PSMD14: variants seen among roughly 807,000 people sequenced by gnomAD.
The protein encoded by PSMD14 is ubiquitin C-terminal hydrolase PSMD14.
PSMD14 carries 7 observed loss-of-function variants against 41.2 expected under a neutral mutation model. That is an observed-to-expected ratio of 0.17 (90% CI 0.10 to 0.32). PSMD14 has a LOEUF of 0.32. Among genes scored for constraint, PSMD14 ranks in the 10% least tolerant of loss-of-function variants. PSMD14 has a pLI of 1.00. For synonymous variants in PSMD14, 114 were observed against 122.3 expected, an observed-to-expected ratio of 0.93 and a Z score of 0.45; for missense variants, 139 against 375.6, an observed-to-expected ratio of 0.37 and a Z score of 5.21.
At chr2:161,385,066 T>C (rs1250827790) in intron 7 of PSMD14, 1 of 153,068 alleles carries the variant, frequency 6.5e-6, no homozygotes, top group African/African-American at 2.4e-5. Flanking sequence ...GGCTGGGCTT[T>C]AGATGTGGTC....
At chr2:161,389,991 G>C (rs12105834) in intron 8 of PSMD14, among the ~76,000 whole-genome samples, 125 of 143,704 alleles carry the variant, frequency 8.7e-4, no homozygotes, top group Middle Eastern at 3.8e-3. Flanking sequence ...CAGCCTCCCA[G>C]AGTGCTGGGA....
At chr2:161,336,353 CA>C (rs1682869861) in intron 3 of PSMD14, among the ~76,000 whole-genome samples, 1 of 152,120 alleles carries the variant, frequency 6.6e-6, no homozygotes, top group Non-Finnish European at 1.5e-5. Flanking sequence ...TATTTTATGG[CA>C]TATTGGTCGG....
intron 10 of PSMD14, 98 bp from the exon 11 acceptor site, chr2:161,408,739 G>A (rs1483414516): frequency 2.4e-6 from 2 of 827,228 alleles, no homozygotes; most frequent in East Asian, 2.8e-5. Context: ...AAAGTTGTAT[G>A]AATGAAAATT....
At chr2:161,356,452 T>G (rs1278660426) in intron 3 of PSMD14, among the ~76,000 whole-genome samples, 1 of 152,142 alleles carries the variant, frequency 6.6e-6, no homozygotes, top group East Asian at 1.9e-4. Flanking sequence ...TAAGGGAATT[T>G]TTAATTGAGG....
chr2:161,396,612 T>G (rs1683799970), intron 10 of PSMD14, among the ~76,000 whole-genome samples: 1 of 152,226 alleles, frequency 6.6e-6, no homozygotes, highest in Non-Finnish European at 1.5e-5. Flanking sequence ...AGAATTGTGG[T>G]TACCAGGAAT....
At chr2:161,324,606 G>A (rs557656348) in intron 3 of PSMD14, among the ~76,000 whole-genome samples, 3 of 150,570 alleles carry the variant, frequency 2.0e-5, no homozygotes, top group South Asian at 4.3e-4. Context: ...CCTAGGTGTT[G>A]TAGTTTCATG....
chr2:161,332,690 G>GT (rs1241331972), intron 3 of PSMD14, among the ~76,000 whole-genome samples: 3 of 152,132 alleles, frequency 2.0e-5, no homozygotes, highest in East Asian at 3.9e-4. Context: ...GCAGTACCAT[G>GT]TTTTTTTAGA....
chr2:161,357,059 G>A (rs1235097371), intron 3 of PSMD14, among the ~76,000 whole-genome samples: 1 of 96,526 alleles, frequency 1.0e-5, no homozygotes, highest in Non-Finnish European at 2.0e-5. Context: ...TTTTTATGCT[G>A]TTATAATGGC....
intron 10 of PSMD14, among the ~76,000 whole-genome samples, chr2:161,396,724 C>T (rs764090584): frequency 2.0e-5 from 3 of 152,054 alleles, no homozygotes; most frequent in South Asian, 2.1e-4. Context: ...ATGCATAGAA[C>T]GTGAGGGTGA....
chr2:161,362,512 A>C (rs1369062163), intron 3 of PSMD14, among the ~76,000 whole-genome samples: 1 of 152,134 alleles, frequency 6.6e-6, no homozygotes, highest in African/African-American at 2.4e-5. Flanking sequence ...GCTCAAGTGG[A>C]TCTTTTATTC....
chr2:161,322,661 A>G (rs1443576964), intron 3 of PSMD14, among the ~76,000 whole-genome samples: 1 of 151,920 alleles, frequency 6.6e-6, no homozygotes, highest in Admixed American at 6.6e-5. Flanking sequence ...AAGTGCTTGG[A>G]TTACAGATGT....
At chr2:161,359,088 C>A (rs903887968) in intron 3 of PSMD14, among the ~76,000 whole-genome samples, 1 of 152,098 alleles carries the variant, frequency 6.6e-6, no homozygotes, top group Admixed American at 6.6e-5. Flanking sequence ...TCCACCTTAA[C>A]CTTCTGAGTA....
chr2:161,337,093 T>G (rs1467257566), intron 3 of PSMD14, among the ~76,000 whole-genome samples: 1 of 152,214 alleles, frequency 6.6e-6, no homozygotes, highest in Non-Finnish European at 1.5e-5. Context: ...AGTATGCTGA[T>G]TAAGAATCAA....
intron 2 of PSMD14, among the ~76,000 whole-genome samples, chr2:161,317,879 G>A (rs995814236): frequency 2.6e-5 from 4 of 152,056 alleles, no homozygotes; most frequent in African/African-American, 9.7e-5. Context: ...AGGACATAGC[G>A]ATTTTCAAGT....
chr2:161,314,470 C>G (rs913777352), intron 1 of PSMD14, among the ~76,000 whole-genome samples: 1 of 152,118 alleles, frequency 6.6e-6, no homozygotes, highest in Non-Finnish European at 1.5e-5. Flanking sequence ...GTGCCATTAC[C>G]ACCTCAGTTT....
At chr2:161,333,039 T>C (rs1682818111) in intron 3 of PSMD14, among the ~76,000 whole-genome samples, 1 of 152,254 alleles carries the variant, frequency 6.6e-6, no homozygotes, top group Admixed American at 6.5e-5. Flanking sequence ...TTTCTACGTG[T>C]ACCCCTTGTG....
intron 3 of PSMD14, among the ~76,000 whole-genome samples, chr2:161,363,193 A>G (rs1033733373): frequency 6.6e-6 from 1 of 152,198 alleles, no homozygotes; most frequent in Non-Finnish European, 1.5e-5. Flanking sequence ...ATGCCTGATG[A>G]TCTGAGGTGA....
Position 161,337,016 on chromosome 2 carries a change from A to G in PSMD14, c.48+18143A>G, listed in dbSNP as rs1229938995. Among the ~76,000 whole-genome samples the G allele has an allele frequency of 2.6e-5, 4 of 152,254 alleles. No individual in the cohort carries two copies. The East Asian group carries it at 7.7e-4, about 29-fold the overall frequency. ...TTTCATATGAATCATTTACTTTGGA[A>G]GTAACTTATTCAAAGTCATTTAAAG... is the stretch of plus-strand genomic sequence containing the variant. On this transcript the variant is annotated intron_variant, in intron 3 of 11. Transcript: ENST00000409682.
chr2:161,358,444 G>A lies in PSMD14; in HGVS notation c.49-9034G>A, dbSNP rs534293284. Among the ~76,000 whole-genome samples the A allele has an allele frequency of 2.6e-5, 4 of 152,228 alleles. No individual in the cohort carries two copies. The South Asian group carries it at 8.3e-4, about 32-fold the overall frequency. On this transcript the variant is annotated intron_variant, in intron 3 of 11. Coordinates refer to ENST00000409682, the MANE Select transcript of PSMD14 (RefSeq NM_005805.6). ...TGGAAATATGAGACATAAGGGTAGG[G>A]GTAAAGGGACTTGGAAACTTACTGT...
Sources: gnomAD v4.1 joint callset for allele counts (sites outside exome capture counted in the v4.1 genomes callset) on GRCh38, gnomAD v4.1.1 for gene constraint, MANE v1.5 for transcripts, NCBI Gene and HGNC (gene_info 2026-07-23, HGNC 2026-07-21) for gene names.